Variants in ADGRV1 observed in about 807,000 individuals in gnomAD.
ADGRV1 encodes G-protein coupled receptor 98.
A neutral mutation model predicts 596.2 loss-of-function variants in ADGRV1; 359 were observed. The observed-to-expected ratio is 0.60, with a 90% CI of 0.55 to 0.66. ADGRV1 has a LOEUF of 0.66. ADGRV1 is among the 30% of genes least tolerant of loss of function. The pLI, the probability that ADGRV1 is intolerant of heterozygous loss-of-function variation, is 0.00. For missense variants in ADGRV1, 7,274 were observed against 7,575.6 expected, an observed-to-expected ratio of 0.96 and a Z score of 1.48; for synonymous variants, 2,681 against 2,679.2, an observed-to-expected ratio of 1.00 and a Z score of -0.02.
In ADGRV1 at chr5:90,629,542, A is replaced by T; in HGVS notation, c.1839+3A>T. The T allele has an allele frequency of 6.3e-7, 1 of 1,583,398 alleles. No individual in the cohort carries two copies. Among genetic ancestry groups the T allele is most frequent in the Non-Finnish European group, 8.6e-7 (1 of 1,161,234 alleles). On this transcript the variant is annotated splice_donor_region_variant and intron_variant, in intron 9 of 89. Transcript: ENST00000405460. ...ATGGAGCTCACTTTCTAGTACAGGT[A>T]CTTGTATGATTAAAATAATCGTAAT...
chr5:90,667,571 T>A (rs1352091539), intron 21 of ADGRV1, among the ~76,000 whole-genome samples: 1 of 150,058 alleles, frequency 6.7e-6, no homozygotes, highest in Non-Finnish European at 1.5e-5. Flanking sequence ...CTCCCGTAGC[T>A]CAGAGTAATT....
chr5:90,766,552 G>A (rs1757167582), intron 59 of ADGRV1, among the ~76,000 whole-genome samples: 1 of 152,022 alleles, frequency 6.6e-6, no homozygotes, highest in African/African-American at 2.4e-5. Context: ...AAGTATTTCA[G>A]CCAATCAAAA....
chr5:91,112,676 G>A (rs1792475881), intron 87 of ADGRV1, among the ~76,000 whole-genome samples: 1 of 151,986 alleles, frequency 6.6e-6, no homozygotes, highest in Non-Finnish European at 1.5e-5. Context: ...TTGGGGTGGG[G>A]AGAATACATT....
chr5:90,823,779 T>C (rs1449260579), intron 76 of ADGRV1, among the ~76,000 whole-genome samples, 183 bp downstream of exon 76: 2 of 152,238 alleles, frequency 1.3e-5, no homozygotes, highest in Non-Finnish European at 2.9e-5. Flanking sequence ...TACATTATGG[T>C]ATTTTGTAAA....
At chr5:90,945,839 A>G (rs1016096255) in intron 83 of ADGRV1, among the ~76,000 whole-genome samples, 2 of 152,076 alleles carry the variant, frequency 1.3e-5, no homozygotes, top group African/African-American at 2.4e-5. Context: ...TTGGTGGGAC[A>G]TGGTGGTGTG....
rs538360526 is a variant in ADGRV1 at position 90,574,681 on chromosome 5, C to T, written c.22+15764C>T. 2.4e-4 allele frequency among the ~76,000 whole-genome samples: 36 copies of T among 152,226 alleles called. No homozygotes were observed. The East Asian group carries it at 6.0e-3, about 25-fold the overall frequency. On this transcript the variant is annotated intron_variant, in intron 1 of 89. Transcript: ENST00000405460. ...GTGGGATTGATATCAGTTCCTTGTA[C>T]GTCTGGTAGAGTTCAGCTGTGAATC...
intron 87 of ADGRV1, among the ~76,000 whole-genome samples, chr5:91,128,419 G>A (rs988943903): frequency 2.6e-5 from 4 of 151,936 alleles, no homozygotes; most frequent in African/African-American, 9.7e-5. Flanking sequence ...AATTATTTTT[G>A]TCTTTCCCTC....
chr5:90,570,712 C>A (rs1436135615), intron 1 of ADGRV1, among the ~76,000 whole-genome samples: 1 of 151,368 alleles, frequency 6.6e-6, no homozygotes, highest in Non-Finnish European at 1.5e-5. Flanking sequence ...AGCTGTTGAG[C>A]CCCTCTGTGA....
intron 52 of ADGRV1, among the ~76,000 whole-genome samples, chr5:90,749,426 T>A (rs1055366205): frequency 1.3e-5 from 2 of 152,198 alleles, no homozygotes; most frequent in African/African-American, 4.8e-5. Flanking sequence ...GTGCATATTT[T>A]AAAATCAAGG....
intron 85 of ADGRV1, among the ~76,000 whole-genome samples, chr5:91,012,569 C>T (rs1201840095): frequency 6.6e-6 from 1 of 151,864 alleles, no homozygotes; most frequent in Non-Finnish European, 1.5e-5. Context: ...TAGCTCTCCT[C>T]CCATTACTTT....
chr5:90,936,626 A>T (rs1775718895), intron 83 of ADGRV1, among the ~76,000 whole-genome samples: 1 of 151,884 alleles, frequency 6.6e-6, no homozygotes, highest in Non-Finnish European at 1.5e-5. Context: ...TGGCTTTTAA[A>T]TTAAATTATC....
chr5:90,842,687 C>T (rs1765536383), intron 78 of ADGRV1, among the ~76,000 whole-genome samples: 1 of 151,916 alleles, frequency 6.6e-6, no homozygotes, highest in Non-Finnish European at 1.5e-5. Flanking sequence ...CACTGCTCTC[C>T]AGCCTGGGCA....
At chr5:91,063,526 G>A (rs1038099909) in intron 85 of ADGRV1, among the ~76,000 whole-genome samples, 4 of 152,008 alleles carry the variant, frequency 2.6e-5, no homozygotes, top group African/African-American at 9.7e-5. Context: ...GCATTCCTAC[G>A]CATGATGTTA....
chr5:90,756,449 C>CT lies in ADGRV1; in HGVS notation c.11581-5_11581-4insT. The stretch of plus-strand genomic sequence containing the variant: ...GAAACACCATCTTTTTCCCCCATCC[C>CT]CCAGGATGACCTTCCTGAATTGGAG... On this transcript the variant is annotated splice_region_variant and splice_polypyrimidine_tract_variant and intron_variant, in intron 55 of 89. Transcript: ENST00000405460. The CT allele has an allele frequency of 6.7e-7, 1 of 1,488,910 alleles. No individual in the cohort carries two copies. The highest frequency in any genetic ancestry group is 9.0e-7 in the Non-Finnish European group (1 of 1,114,856). The allele number at this position is 1,488,910 out of a possible 1,614,324, so 92.2% of individuals were successfully genotyped here. A position where few individuals can be genotyped will look rare whatever the true frequency, so the allele number is the denominator to read the frequency against.
chr5:90,857,704 C>T (rs1767155770), intron 82 of ADGRV1, among the ~76,000 whole-genome samples: 1 of 152,144 alleles, frequency 6.6e-6, no homozygotes, highest in Non-Finnish European at 1.5e-5. Flanking sequence ...TGTCTTTGTA[C>T]CTCAGTTTCA....
chr5:90,955,376 G>C (rs1401571757), intron 83 of ADGRV1, among the ~76,000 whole-genome samples: 1 of 151,944 alleles, frequency 6.6e-6, no homozygotes, highest in Non-Finnish European at 1.5e-5. Context: ...ATATTTTATT[G>C]TCTATACTTC....
chr5:91,145,772 A>T (rs1795486362), intron 87 of ADGRV1, among the ~76,000 whole-genome samples: 2 of 152,210 alleles, frequency 1.3e-5, no homozygotes, highest in African/African-American at 4.8e-5. Context: ...TTTTTTAACA[A>T]TACAGATTAG....
intron 25 of ADGRV1, among the ~76,000 whole-genome samples, chr5:90,677,882 G>A (rs1289585264): frequency 6.6e-6 from 1 of 152,174 alleles, no homozygotes; most frequent in Non-Finnish European, 1.5e-5. Context: ...TGTCTAACAT[G>A]TCAAGTAGCT....
intron 55 of ADGRV1, among the ~76,000 whole-genome samples, chr5:90,755,832 ATATAT>A (rs894866150): frequency 9.3e-4 from 138 of 148,604 alleles, no homozygotes; most frequent in African/African-American, 9.5e-4. Flanking sequence ...ATACCATAGA[ATATAT>A]TATATGTTAT....
Sources: gnomAD v4.1 joint callset for allele counts (sites outside exome capture counted in the v4.1 genomes callset) on GRCh38, gnomAD v4.1.1 for gene constraint, MANE v1.5 for transcripts, NCBI Gene and HGNC (gene_info 2026-07-23, HGNC 2026-07-21) for gene names.